The following CHSY1 variants were observed in gnomAD, a reference collection of about 807,000 sequenced individuals.
CHSY1 encodes N-acetylgalactosaminyl-proteoglycan 3-beta-glucuronosyltransferase 1.
In CHSY1, 13 loss-of-function variants were observed where a neutral mutation model predicts 59.8. That is an observed-to-expected ratio of 0.22 (90% CI 0.14 to 0.35). The LOEUF (loss-of-function observed/expected upper bound fraction) is 0.35, where lower values mean the gene tolerates loss of function less well. Ranked by LOEUF, CHSY1 falls within the 10% of genes least tolerant of loss-of-function variation. CHSY1 has a pLI of 1.00. For missense variants in CHSY1, 947 were observed against 1,030.6 expected, an observed-to-expected ratio of 0.92 and a Z score of 1.11; for synonymous variants, 459 against 401.2, an observed-to-expected ratio of 1.14 and a Z score of -1.72.
chr15:101,178,664 A>G lies in CHSY1; in HGVS notation c.1133T>C (p.Phe378Ser). 1 of 1,614,202 alleles carries G rather than the reference A, an allele frequency of 6.2e-7. No homozygotes were observed. The highest frequency in any genetic ancestry group is 8.5e-7 in the Non-Finnish European group (1 of 1,180,030). Reference protein sequence around the residue: ...RQREEILEWEFLTGKYLYSAV... With the variant: ...RQREEILEWESLTGKYLYSAV... ...CGAATACAAGTATTTTCCAGTCAGA[A>G]ACTCCCATTCCAGAATCTCCTCTCG... The change falls in exon 3 of 3, where the codon TTT (phenylalanine) becomes TCT (serine). Residue 378 changes from phenylalanine to serine, a missense_variant. By Grantham distance (155) the Phe-to-Ser change is radical. Coordinates refer to ENST00000254190, the MANE Select transcript of CHSY1 (RefSeq NM_014918.5).
Position 101,182,950 on chromosome 15 carries a change from G to A in CHSY1, c.817-3970C>T, listed in dbSNP as rs139480090. ...AAACCCTTGGTGGAACAGAAACAACGCAGTGAACAGAAGAAAAACACAACA... is the reference window on the plus strand; with the variant it reads ...AAACCCTTGGTGGAACAGAAACAACACAGTGAACAGAAGAAAAACACAACA... On this transcript the variant is annotated intron_variant, in intron 2 of 2. Coordinates refer to ENST00000254190, the MANE Select transcript of CHSY1 (RefSeq NM_014918.5). 2.7e-4 allele frequency among the ~76,000 whole-genome samples: 41 copies of A among 152,196 alleles called. No homozygotes were observed. In the East Asian group the frequency reaches 7.1e-3, roughly 26 times the overall value.
chr15:101,245,111 A>G (rs1467043180), intron 1 of CHSY1, among the ~76,000 whole-genome samples: 5 of 152,128 alleles, frequency 3.3e-5, no homozygotes, highest in Non-Finnish European at 7.4e-5. Flanking sequence ...GATCTTCCAA[A>G]ACACACATCC....
At chr15:101,236,147 C>A (rs2038939188) in intron 1 of CHSY1, among the ~76,000 whole-genome samples, 1 of 152,120 alleles carries the variant, frequency 6.6e-6, no homozygotes, top group Non-Finnish European at 1.5e-5. Context: ...ATGAGCTGAA[C>A]CAACAGAACA....
chr15:101,191,647 G>T (rs748198772), intron 2 of CHSY1, among the ~76,000 whole-genome samples: 4 of 152,138 alleles, frequency 2.6e-5, no homozygotes, highest in African/African-American at 4.8e-5. Context: ...TGTCCATATT[G>T]GGGGAGACTG....
At chr15:101,189,872 C>T (rs1248242790) in intron 2 of CHSY1, among the ~76,000 whole-genome samples, 2 of 152,256 alleles carry the variant, frequency 1.3e-5, no homozygotes, top group East Asian at 1.9e-4. Context: ...AGCACAGTGG[C>T]GCTGTGGGCG....
rs1054769455 is a variant in CHSY1, at chr15:101,189,455, G to A, written c.817-10475C>T. Reference sequence around the variant, plus strand: ...GGACAAGGTGGATGTAAGCCAGAAGGGATGGAGCTCGGGGGGACCAGGACG... The same window carrying A: ...GGACAAGGTGGATGTAAGCCAGAAGAGATGGAGCTCGGGGGGACCAGGACG... On this transcript the variant is annotated intron_variant, in intron 2 of 2. Transcript: ENST00000254190. 2.1e-5 allele frequency: 21 copies of A among 985,652 alleles called. No individual in the cohort carries two copies. The East Asian group carries it at 2.3e-3, about 106-fold the overall frequency. The allele number at this position is 985,652 out of a possible 1,614,324, so 61.1% of individuals were successfully genotyped here.
At chr15:101,240,631 T>A (rs2038991891) in intron 1 of CHSY1, among the ~76,000 whole-genome samples, 1 of 152,234 alleles carries the variant, frequency 6.6e-6, no homozygotes, top group Non-Finnish European at 1.5e-5. Flanking sequence ...CACAGTTAAG[T>A]AATTCAGCTG....
In CHSY1 at chr15:101,187,173, C is replaced by T. The variant is rs117899511; in HGVS notation, c.817-8193G>A. ...AGTAACTCCAGGAATAAAGTAATGA[C>T]ATTTTTGTTATAAAGAATATTTTGG... On this transcript the variant is annotated intron_variant, in intron 2 of 2. Coordinates refer to ENST00000254190, the MANE Select transcript of CHSY1 (RefSeq NM_014918.5). Among the ~76,000 whole-genome samples, 175 of 152,266 alleles carry T rather than the reference C, an allele frequency of 1.1e-3. 2 individuals carry two copies. In the East Asian group the frequency reaches 0.028, roughly 24 times the overall value.
intron 1 of CHSY1, among the ~76,000 whole-genome samples, chr15:101,244,075 A>T (rs187298702): frequency 6.6e-6 from 1 of 152,228 alleles, no homozygotes; most frequent in Non-Finnish European, 1.5e-5. Context: ...TGTCTACAGA[A>T]AAAATGCTGC....
intron 1 of CHSY1, among the ~76,000 whole-genome samples, chr15:101,244,561 G>T (rs1262380241): frequency 6.6e-6 from 1 of 152,208 alleles, no homozygotes; most frequent in East Asian, 1.9e-4. Context: ...GCTTACTGTA[G>T]AAAAACCAGA....
chr15:101,245,019 G>A (rs937871207), intron 1 of CHSY1, among the ~76,000 whole-genome samples: 1 of 152,094 alleles, frequency 6.6e-6, no homozygotes, highest in Non-Finnish European at 1.5e-5. Context: ...CCCTCAACAG[G>A]TACCGGTCCT....
At chr15:101,199,595 A>C (rs576698021) in intron 2 of CHSY1, among the ~76,000 whole-genome samples, 1 of 152,354 alleles carries the variant, frequency 6.6e-6, no homozygotes, top group Admixed American at 6.5e-5. Context: ...AAATGACTGA[A>C]CTGTGTATTT....
chr15:101,211,776 G>C (rs1427023498), intron 2 of CHSY1, among the ~76,000 whole-genome samples: 1 of 151,978 alleles, frequency 6.6e-6, no homozygotes, highest in Admixed American at 6.6e-5. Flanking sequence ...AAAACAATAC[G>C]ACTTGAGAGG....
At chr15:101,199,983 G>C (rs992198933) in intron 2 of CHSY1, among the ~76,000 whole-genome samples, 3 of 152,206 alleles carry the variant, frequency 2.0e-5, no homozygotes, top group Non-Finnish European at 4.4e-5. Flanking sequence ...GCATCGTTCT[G>C]AATAAGATAC....
chr15:101,219,164 T>C (rs1408142253), intron 2 of CHSY1, among the ~76,000 whole-genome samples: 2 of 152,188 alleles, frequency 1.3e-5, no homozygotes, highest in Non-Finnish European at 2.9e-5. Context: ...AAGAATAAGA[T>C]AACTTTAAAC....
At chr15:101,189,830 G>A (rs999718634) in intron 2 of CHSY1, among the ~76,000 whole-genome samples, 5 of 152,370 alleles carry the variant, frequency 3.3e-5, no homozygotes, top group Admixed American at 2.0e-4. Context: ...CTCCAGCGGC[G>A]CTGGGACAGT....
At chr15:101,184,627 G>C (rs1451210197) in intron 2 of CHSY1, among the ~76,000 whole-genome samples, 1 of 152,040 alleles carries the variant, frequency 6.6e-6, no homozygotes, top group East Asian at 1.9e-4. Flanking sequence ...TGGGATTACA[G>C]ACGTGAGCCA....
chr15:101,226,176 T>C (rs746052533), intron 2 of CHSY1, among the ~76,000 whole-genome samples: 2 of 152,176 alleles, frequency 1.3e-5, no homozygotes, highest in Non-Finnish European at 2.9e-5. Context: ...CATATTCAAG[T>C]ATTTGTTTAC....
At chr15:101,234,028 T>C (rs779650914) in intron 2 of CHSY1, among the ~76,000 whole-genome samples, 1 of 152,188 alleles carries the variant, frequency 6.6e-6, no homozygotes, top group Non-Finnish European at 1.5e-5. Flanking sequence ...CCTCAATAAT[T>C]TTTTTCACCA....
Sources: gnomAD v4.1 joint callset for allele counts (sites outside exome capture counted in the v4.1 genomes callset) on GRCh38, gnomAD v4.1.1 for gene constraint, MANE v1.5 for transcripts, NCBI Gene and HGNC (gene_info 2026-07-23, HGNC 2026-07-21) for gene names.